Variants in DMD observed in about 807,000 individuals in gnomAD.
The protein encoded by DMD is dystrophin, also known as mutant dystrophin.
DMD carries 63 observed loss-of-function variants against 330.1 expected under a neutral mutation model. That is an observed-to-expected ratio of 0.19 (90% CI 0.16 to 0.24). The LOEUF (loss-of-function observed/expected upper bound fraction) is 0.24. Among genes scored for constraint, DMD ranks in the 10% least tolerant of loss-of-function variants. The probability of loss-of-function intolerance (pLI) is 1.00; values close to 1 mark genes in which losing one functional copy is unlikely to be tolerated. For missense variants in DMD, 3,344 were observed against 2,684.1 expected (o/e 1.25, Z -5.43); for synonymous variants, 1,223 against 959.8 (o/e 1.27, Z -5.07).
At chrX:31,202,876 A>T (rs1384047491) in intron 67 of DMD, among the ~76,000 whole-genome samples, 1 of 112,653 alleles carries the variant, frequency 8.9e-6, no homozygotes, top group Non-Finnish European at 1.9e-5. Flanking sequence ...GCCACAAAAA[A>T]TGTTTATATT....
chrX:32,535,365 C>T (rs914373268), intron 17 of DMD, among the ~76,000 whole-genome samples: 39 of 111,654 alleles, frequency 3.5e-4, no homozygotes, highest in African/African-American at 1.2e-3. Flanking sequence ...CATTTGGAGG[C>T]AATGGCAGAA....
chrX:32,221,535 CTTTTA>C (rs979171766), intron 43 of DMD, among the ~76,000 whole-genome samples: 1 of 111,453 alleles, frequency 9.0e-6, no homozygotes, highest in Non-Finnish European at 1.9e-5. Context: ...TTTTTTACAT[CTTTTA>C]TTTTATTAAT....
chrX:33,025,550 A>T (rs1429774540), intron 1 of DMD, among the ~76,000 whole-genome samples: 1 of 111,436 alleles, frequency 9.0e-6, no homozygotes, highest in Non-Finnish European at 1.9e-5. Context: ...CATAATCTGT[A>T]CAAGAAAATA....
intron 43 of DMD, among the ~76,000 whole-genome samples, chrX:32,258,262 CTCAAGGA>C (rs752343697): frequency 9.0e-6 from 1 of 111,730 alleles, no homozygotes; most frequent in African/African-American, 3.3e-5. Context: ...GTGGCGATTC[CTCAAGGA>C]TACAGAACCA....
chrX:32,748,345 C>CAAAA (rs776751298), intron 7 of DMD, among the ~76,000 whole-genome samples: 39 of 48,560 alleles, frequency 8.0e-4, no homozygotes, highest in African/African-American at 2.8e-3. Context: ...GACTCCGTCT[C>CAAAA]AAAAAAAAAA....
chrX:32,718,324 T>G (rs1308176295), intron 7 of DMD, among the ~76,000 whole-genome samples: 1 of 110,948 alleles, frequency 9.0e-6, no homozygotes. Flanking sequence ...TATCTGGTTG[T>G]GTGAAAGCGT....
At chrX:32,543,641 AG>A (rs1404731239) in intron 17 of DMD, among the ~76,000 whole-genome samples, 1 of 112,170 alleles carries the variant, frequency 8.9e-6, no homozygotes, top group Non-Finnish European at 1.9e-5. Context: ...ATTCATCAAA[AG>A]CTTCACGGAT....
At chrX:33,276,347 G>C (rs1236924887) in intron 1 of DMD, among the ~76,000 whole-genome samples, 3 of 110,791 alleles carry the variant, frequency 2.7e-5, no homozygotes, top group African/African-American at 9.9e-5. Context: ...CTGTGATCAG[G>C]TCCTTCCAAG....
chrX:32,255,654 C>T (rs2148226888), intron 43 of DMD, among the ~76,000 whole-genome samples: 1 of 111,942 alleles, frequency 8.9e-6, no homozygotes, highest in South Asian at 3.7e-4. Flanking sequence ...TAATTTTATT[C>T]TCGGCCTACA....
chrX:32,851,217 G>C (rs1415026247), intron 2 of DMD, among the ~76,000 whole-genome samples: 4 of 110,851 alleles, frequency 3.6e-5, no homozygotes, highest in Non-Finnish European at 5.6e-5. Context: ...CCTACAACCA[G>C]GTAGCCATGT....
At chrX:31,228,920 C>T (rs996377512) in intron 63 of DMD, among the ~76,000 whole-genome samples, 3 of 112,280 alleles carry the variant, frequency 2.7e-5, no homozygotes, top group African/African-American at 3.2e-5. Context: ...AATCTAGAAA[C>T]GTAAGGAACA....
intron 55 of DMD, among the ~76,000 whole-genome samples, chrX:31,584,830 A>G (rs1365132701): frequency 1.8e-5 from 2 of 111,058 alleles, no homozygotes; most frequent in African/African-American, 6.6e-5. Context: ...ACAGCAAAGG[A>G]TCAGTAGGAA....
chrX:33,318,648 T>C (rs902223184), intron 1 of DMD, among the ~76,000 whole-genome samples: 1 of 109,173 alleles, frequency 9.2e-6, no homozygotes, highest in African/African-American at 3.3e-5. Flanking sequence ...GGTTTCACCA[T>C]GTTGGCCAAG....
At chrX:33,163,515 A>G (rs111337574) in intron 1 of DMD, among the ~76,000 whole-genome samples, 1,727 of 107,294 alleles carry the variant, frequency 0.016, 32 homozygotes, top group African/African-American at 0.056. Flanking sequence ...CAGCCTGGGC[A>G]ACAGAGTGAG....
chrX:31,194,225 A>G (rs2042667032), intron 67 of DMD, among the ~76,000 whole-genome samples: 1 of 111,548 alleles, frequency 9.0e-6, no homozygotes, highest in Non-Finnish European at 1.9e-5. Flanking sequence ...AAATGCTGGG[A>G]GACTGTTCAA....
intron 50 of DMD, among the ~76,000 whole-genome samples, chrX:31,791,119 T>C (rs756857030): frequency 9.0e-6 from 1 of 111,409 alleles, no homozygotes; most frequent in African/African-American, 3.3e-5. Context: ...TTCTATAATG[T>C]TGGTCTCTGC....
intron 34 of DMD, among the ~76,000 whole-genome samples, chrX:32,374,458 T>A (rs2097893216): frequency 8.9e-6 from 1 of 111,934 alleles, no homozygotes; most frequent in South Asian, 3.7e-4. Flanking sequence ...AAGACTTTAA[T>A]CCATCTTGAG....
intron 2 of DMD, among the ~76,000 whole-genome samples, chrX:32,867,378 G>A (rs935814115): frequency 8.9e-6 from 1 of 111,967 alleles, no homozygotes; most frequent in Admixed American, 9.5e-5. Context: ...CTAGAAAAAT[G>A]CATTTTAAAA....
At chrX:32,847,495 G>T (rs1196794139) in intron 3 of DMD, among the ~76,000 whole-genome samples, 1 of 112,046 alleles carries the variant, frequency 8.9e-6, no homozygotes, top group Non-Finnish European at 1.9e-5. Context: ...CTCCCATTAG[G>T]AGTAGAAGAT....
Sources: allele counts gnomAD v4.1 joint callset (sites outside exome capture counted in the v4.1 genomes callset), GRCh38; gene constraint gnomAD v4.1.1; transcripts MANE v1.5; gene names NCBI Gene and HGNC (gene_info 2026-07-23, HGNC 2026-07-21).